Variants in TENM3 observed in about 807,000 individuals in gnomAD.
TENM3 encodes the protein teneurin-3.
In TENM3, 63 loss-of-function variants were observed where a neutral mutation model predicts 255.1. That is an observed-to-expected ratio of 0.25 (90% CI 0.20 to 0.30). TENM3 has a LOEUF of 0.30. Among genes scored for constraint, TENM3 ranks in the 10% least tolerant of loss-of-function variants. The probability of loss-of-function intolerance (pLI) is 1.00; values close to 1 mark genes in which losing one functional copy is unlikely to be tolerated. For synonymous variants in TENM3, 1,306 were observed against 1,322.3 expected, an observed-to-expected ratio of 0.99 and a Z score of 0.27; for missense variants, 2,929 against 3,461.1, an observed-to-expected ratio of 0.85 and a Z score of 3.86.
At position 182,800,605 on chromosome 4, in the gene TENM3, ATC is replaced by A. The variant is rs1766879337; in HGVS notation, c.*255_*256del. Reference sequence around the variant, plus strand: ...CTGAACGTAGCCAGAGGAAAAAAAAATCATCAAGGACAAAGGCCTCGACCTGT... The same window carrying A: ...CTGAACGTAGCCAGAGGAAAAAAAAAATCAAGGACAAAGGCCTCGACCTGT... On this transcript the variant is annotated 3_prime_UTR_variant, in exon 28 of 28. Transcript: ENST00000511685. 7.7e-6 allele frequency: 3 copies of A among 390,064 alleles called. No individual in the cohort carries two copies. The highest frequency in any genetic ancestry group is 1.4e-5 in the Non-Finnish European group (3 of 217,986). The allele number at this position is 390,064 out of a possible 1,614,324, so 24.2% of individuals were successfully genotyped here. A position where few individuals can be genotyped will look rare whatever the true frequency, so the allele number is the denominator to read the frequency against.
chr4:181,474,464 C>G, the TENM3 span, among the ~76,000 whole-genome samples: 1 of 152,062 alleles, frequency 6.6e-6, no homozygotes, highest in South Asian at 2.1e-4. Flanking sequence ...TGGCTGGGCA[C>G]GGTGACTCAC....
the TENM3 span, among the ~76,000 whole-genome samples, chr4:181,730,080 A>G: frequency 6.6e-6 from 1 of 152,184 alleles, no homozygotes; most frequent in African/African-American, 2.4e-5. Context: ...TATGCCTCGC[A>G]GGGCTCGTAT....
In TENM3 at chr4:182,693,631, G is replaced by A. The variant is rs549569634; in HGVS notation, c.2221+5280G>A. Among the ~76,000 whole-genome samples, 5 of 152,206 alleles carry A rather than the reference G, an allele frequency of 3.3e-5. No homozygotes were observed. The South Asian group carries it at 1.0e-3, about 32-fold the overall frequency. On this transcript the variant is annotated intron_variant, in intron 12 of 27. Coordinates refer to ENST00000511685, the MANE Select transcript of TENM3 (RefSeq NM_001080477.4). Reference sequence around the variant, plus strand: ...TCTTAACTGTTCTTAGCCTCAGTTGGGTTTTTTCGCAATGTAAAATGGCTA... The same window carrying A: ...TCTTAACTGTTCTTAGCCTCAGTTGAGTTTTTTCGCAATGTAAAATGGCTA...
the TENM3 span, among the ~76,000 whole-genome samples, chr4:181,590,463 G>A: frequency 1.8e-4 from 28 of 152,298 alleles, no homozygotes; most frequent in East Asian, 4.6e-3. Context: ...CCAAGAGCCA[G>A]GCCTACCCTG....
intron 1 of TENM3, among the ~76,000 whole-genome samples, chr4:182,182,936 A>G (rs1257211386): frequency 2.6e-5 from 4 of 152,206 alleles, no homozygotes; most frequent in Admixed American, 2.6e-4. Context: ...AAGACCCTGG[A>G]CAAACCCTTT....
At chr4:181,511,454 G>A in the TENM3 span, among the ~76,000 whole-genome samples, 4 of 152,242 alleles carry the variant, frequency 2.6e-5, no homozygotes, top group East Asian at 1.9e-4. Context: ...GAGCTCATGC[G>A]TGGGTACAGC....
At chr4:182,129,713 T>C in the TENM3 span, among the ~76,000 whole-genome samples, 2 of 152,210 alleles carry the variant, frequency 1.3e-5, no homozygotes, top group East Asian at 3.8e-4. Flanking sequence ...TTTTCCATCT[T>C]ACACTGATTC....
chr4:181,537,916 T>C, the TENM3 span, among the ~76,000 whole-genome samples: 1 of 152,228 alleles, frequency 6.6e-6, no homozygotes, highest in South Asian at 2.1e-4. Context: ...AATGTAAAAC[T>C]GCTTGAAATA....
At chr4:182,342,380 C>A (rs1764539176) in intron 2 of TENM3, among the ~76,000 whole-genome samples, 1 of 151,100 alleles carries the variant, frequency 6.6e-6, no homozygotes. Context: ...AGAAGCCAGT[C>A]ACACAAGACC....
the TENM3 span, among the ~76,000 whole-genome samples, chr4:181,940,467 A>G: frequency 6.6e-6 from 1 of 152,234 alleles, no homozygotes; most frequent in Non-Finnish European, 1.5e-5. Flanking sequence ...AGTCCGGTGC[A>G]GTACATATGC....
At chr4:182,751,719 A>G (rs1180934161) in intron 19 of TENM3, 81 bp from the exon 20 acceptor site, 3 of 943,164 alleles carry the variant, frequency 3.2e-6, no homozygotes, top group Non-Finnish European at 5.2e-6. Flanking sequence ...GTTTCTCATG[A>G]TCTGTTTTAT....
chr4:181,751,235 T>C, the TENM3 span, among the ~76,000 whole-genome samples: 108 of 152,222 alleles, frequency 7.1e-4, no homozygotes, highest in African/African-American at 2.6e-3. Flanking sequence ...TTAGGGTTAA[T>C]TTAGGGACTG....
chr4:181,940,187 T>A, the TENM3 span, among the ~76,000 whole-genome samples: 1 of 152,252 alleles, frequency 6.6e-6, no homozygotes, highest in Non-Finnish European at 1.5e-5. Flanking sequence ...TTTTTTATAA[T>A]GTAAAGTTGG....
At chr4:181,722,650 T>C in the TENM3 span, among the ~76,000 whole-genome samples, 1 of 152,210 alleles carries the variant, frequency 6.6e-6, no homozygotes, top group Non-Finnish European at 1.5e-5. Flanking sequence ...AACAATGAAA[T>C]TAAAATTACT....
intron 1 of TENM3, among the ~76,000 whole-genome samples, chr4:182,193,637 G>A (rs1200632574): frequency 1.3e-5 from 2 of 152,166 alleles, no homozygotes; most frequent in Non-Finnish European, 2.9e-5. Context: ...CATTAGATTT[G>A]AAGTGCTGGC....
intron 1 of TENM3, among the ~76,000 whole-genome samples, chr4:182,150,514 A>G (rs1213329537): frequency 1.3e-5 from 2 of 151,776 alleles, no homozygotes; most frequent in African/African-American, 4.8e-5. Flanking sequence ...TATTGTATAC[A>G]GTTGCTTATA....
At chr4:181,638,381 T>A in the TENM3 span, among the ~76,000 whole-genome samples, 1 of 152,362 alleles carries the variant, frequency 6.6e-6, no homozygotes, top group South Asian at 2.1e-4. Context: ...AAGTTGTGGC[T>A]GCATAGAAAA....
chr4:181,583,096 A>T, the TENM3 span, among the ~76,000 whole-genome samples: 2 of 149,556 alleles, frequency 1.3e-5, no homozygotes, highest in African/African-American at 4.9e-5. Context: ...GAGGTAGAAA[A>T]TATTTATTTT....
chr4:181,683,561 C>A, the TENM3 span, among the ~76,000 whole-genome samples: 2 of 152,170 alleles, frequency 1.3e-5, no homozygotes, highest in African/African-American at 2.4e-5. Flanking sequence ...GATGCTGATG[C>A]GACTGGTCCT....
Sources: allele counts gnomAD v4.1 joint callset (sites outside exome capture counted in the v4.1 genomes callset), GRCh38; gene constraint gnomAD v4.1.1; transcripts MANE v1.5; gene names NCBI Gene and HGNC (gene_info 2026-07-23, HGNC 2026-07-21).